Variants in TLR4 observed in about 807,000 individuals in gnomAD.
TLR4 encodes the protein toll-like receptor 4.
In TLR4, 17 loss-of-function variants were observed where a neutral mutation model predicts 27.4. The ratio of observed to expected loss-of-function variants is 0.62; its 90% CI spans 0.42 to 0.93. The LOEUF (loss-of-function observed/expected upper bound fraction) is 0.93. TLR4 is among the 40% of genes least tolerant of loss of function. The pLI, the probability that TLR4 is intolerant of heterozygous loss-of-function variation, is 0.00. For missense variants in TLR4, 926 were observed against 962.3 expected, an observed-to-expected ratio of 0.96 and a Z score of 0.50; for synonymous variants, 363 against 365.7, an observed-to-expected ratio of 0.99 and a Z score of 0.08.
Position 117,718,360 on chromosome 9 carries a change from A to T in TLR4, c.*3712A>T, listed in dbSNP as rs775897328. 2.6e-5 allele frequency: 4 copies of T among 152,168 alleles called. No homozygotes were observed. The highest frequency in any genetic ancestry group is 4.4e-5 in the Non-Finnish European group (3 of 68,034). 9.4% of individuals were successfully genotyped at this position (152,168 alleles called of 1,614,324 possible). On this transcript the variant is annotated 3_prime_UTR_variant, in exon 3 of 3. Coordinates refer to ENST00000355622, the MANE Select transcript of TLR4 (RefSeq NM_138554.5). ...AAGCCATGAATCATTAAGCCAATAC[A>T]TATGCATATATGTTATACATACCAA...
rs1488693369 is a variant in TLR4, at chr9:117,722,964, G to A, written c.*8316G>A. ...ATGTGGGCCAACTTAGGAAAAAAAC[G>A]GGATGAAATGAATTATATAAAAGGT... On this transcript the variant is annotated 3_prime_UTR_variant, in exon 3 of 3. Transcript: ENST00000355622. 1 of 152,014 alleles carries A rather than the reference G, an allele frequency of 6.6e-6. No homozygotes were observed. Among genetic ancestry groups the A allele is most frequent in the East Asian group, 1.9e-4 (1 of 5,186 alleles). The allele number at this position is 152,014 out of a possible 1,614,324, so 9.4% of individuals were successfully genotyped here. A position where few individuals can be genotyped will look rare whatever the true frequency, so the allele number is the denominator to read the frequency against.
Position 117,716,961 on chromosome 9 carries a change from C to G in TLR4, c.*2313C>G, listed in dbSNP as rs1240560898. The G allele has an allele frequency of 6.6e-6, 1 of 152,168 alleles. No individual in the cohort carries two copies. The highest frequency in any genetic ancestry group is 2.4e-5 in the African/African-American group (1 of 41,450). 9.4% of individuals were successfully genotyped at this position (152,168 alleles called of 1,614,324 possible). On this transcript the variant is annotated 3_prime_UTR_variant, in exon 3 of 3. Coordinates refer to ENST00000355622, the MANE Select transcript of TLR4 (RefSeq NM_138554.5). ...TGACCACAGTCAGAAGTGTTTGTTA[C>G]TGAGTGTTTCAGAGTGTGTTTGGTT...
rs118040707 is a variant in TLR4 at position 117,720,871 on chromosome 9, G to T, written c.*6223G>T. The T allele has an allele frequency of 1.3e-5, 2 of 152,168 alleles. No homozygotes were observed. Among genetic ancestry groups the T allele is most frequent in the Admixed American group, 6.5e-5 (1 of 15,276 alleles). 9.4% of individuals were successfully genotyped at this position (152,168 alleles called of 1,614,324 possible). On this transcript the variant is annotated 3_prime_UTR_variant, in exon 3 of 3. Transcript: ENST00000355622. ...AGTGCATGACCCTTCCTCTTCCTGG[G>T]ACTGTCCTTGTCTTTCCCTTTGGAC...
chr9:117,720,781 A>C lies in TLR4; in HGVS notation c.*6133A>C, dbSNP rs571826651. The stretch of plus-strand genomic sequence containing the variant: ...GACTGACCTGAAATAACCCAGCCTG[A>C]CTCTATCCACAGCCACCCCAGGACC... On this transcript the variant is annotated 3_prime_UTR_variant, in exon 3 of 3. Transcript: ENST00000355622. 34 of 152,124 alleles carry C rather than the reference A, an allele frequency of 2.2e-4. No individual in the cohort carries two copies. The highest frequency in any genetic ancestry group is 7.5e-4 in the African/African-American group (31 of 41,456). 9.4% of individuals were successfully genotyped at this position (152,124 alleles called of 1,614,324 possible). A position where few individuals can be genotyped will look rare whatever the true frequency, so the allele number is the denominator to read the frequency against.
At position 117,714,030 on chromosome 9, in the gene TLR4, T is replaced by A; in HGVS notation, c.1902T>A (p.Ile634=). 1 of 1,613,938 alleles carries A rather than the reference T, an allele frequency of 6.2e-7. No homozygotes were observed. The highest frequency in any genetic ancestry group is 8.5e-7 in the Non-Finnish European group (1 of 1,179,984). The change falls in exon 3 of 3, where the codon ATT becomes ATA. Residue 634 remains isoleucine (I), a synonymous_variant. Coordinates refer to ENST00000355622, the MANE Select transcript of TLR4 (RefSeq NM_138554.5). ...CCTGTCAGATGAATAAGACCATCAT[T>A]GGTGTGTCGGTCCTCAGTGTGCTTG... ...NITCQMNKTI[I]GVSVLSVLVV...
At chr9:117,705,167 T>C (rs1291806741) in intron 1 of TLR4, among the ~76,000 whole-genome samples, 1 of 152,178 alleles carries the variant, frequency 6.6e-6, no homozygotes, top group Non-Finnish European at 1.5e-5. Context: ...ATATGTATAA[T>C]GTCAGCTAAT....
rs1282672274 is a variant in TLR4, at chr9:117,714,224, G to T, written c.2096G>T (p.Gly699Val). 2 of 1,605,640 alleles carry T rather than the reference G, an allele frequency of 1.2e-6. No individual in the cohort carries two copies. Among genetic ancestry groups the T allele is most frequent in the Non-Finnish European group, 8.5e-7 (1 of 1,172,986 alleles). Reference sequence around the variant, plus strand: ...GAGCTAGTAAAGAATTTAGAAGAAGGGGTGCCTCCATTTCAGCTCTGCCTT... The same window carrying T: ...GAGCTAGTAAAGAATTTAGAAGAAGTGGTGCCTCCATTTCAGCTCTGCCTT... ...RNELVKNLEE[G>V]VPPFQLCLHY... Residue 699 changes from glycine (G) to valine (V), a missense_variant, in exon 3 of 3, where the codon GGG (glycine) becomes GTG (valine). By Grantham distance (109) the Gly-to-Val change is moderately radical (BLOSUM62 -3). Transcript: ENST00000355622.
chr9:117,708,396 G>A (rs1293442808), intron 1 of TLR4, 167 bp from the exon 2 acceptor site: 2 of 1,483,188 alleles, frequency 1.3e-6, no homozygotes, highest in Admixed American at 2.2e-5. Flanking sequence ...TGAATTGAGT[G>A]AATGGATGGA....
chr9:117,717,958 C>T lies in TLR4; in HGVS notation c.*3310C>T, dbSNP rs545824537. 1 of 152,164 alleles carries T rather than the reference C, an allele frequency of 6.6e-6. No individual in the cohort carries two copies. The highest frequency in any genetic ancestry group is 6.5e-5 in the Admixed American group (1 of 15,278). 9.4% of individuals were successfully genotyped at this position (152,164 alleles called of 1,614,324 possible). A position where few individuals can be genotyped will look rare whatever the true frequency, so the allele number is the denominator to read the frequency against. ...CAGCCTCTTTTTAGCTCTTTAAATC[C>T]TCTGGATTTAAGAGGGATAAAGGGT... On this transcript the variant is annotated 3_prime_UTR_variant, in exon 3 of 3. Coordinates refer to ENST00000355622, the MANE Select transcript of TLR4 (RefSeq NM_138554.5).
rs1829333256 is a variant in TLR4, at chr9:117,715,664, GA to G, written c.*1018del. On this transcript the variant is annotated 3_prime_UTR_variant, in exon 3 of 3. Transcript: ENST00000355622. ...TGACCTCATGAAATGAGTTGCAGCA[GA>G]AGTTTATTTTTTTCAGAACAAGTGA... 6.6e-6 allele frequency: 1 copy of G among 152,164 alleles called. No individual in the cohort carries two copies. Among genetic ancestry groups the G allele is most frequent in the African/African-American group, 2.4e-5 (1 of 41,444 alleles). 9.4% of individuals were successfully genotyped at this position (152,164 alleles called of 1,614,324 possible).
intron 1 of TLR4, among the ~76,000 whole-genome samples, chr9:117,705,260 G>A (rs565482405): frequency 6.6e-5 from 10 of 152,204 alleles, no homozygotes; most frequent in South Asian, 2.1e-4. Flanking sequence ...TTTCCCCTGC[G>A]CAGACTTCAC....
rs745563363 is a variant in TLR4, at chr9:117,712,632, T to C, written c.504T>C (p.Pro168=). 6 of 1,614,046 alleles carry C rather than the reference T, an allele frequency of 3.7e-6. No homozygotes were observed. The South Asian group carries it at 6.6e-5, about 18-fold the overall frequency. The stretch of plus-strand genomic sequence containing the variant: ...ATCTTATCCAATCTTTCAAATTACC[T>C]GAGTATTTTTCTAATCTGACCAATC... ...AHNLIQSFKL[P]EYFSNLTNLE... The change falls in exon 3 of 3, where the codon CCT becomes CCC. Residue 168 remains proline, a synonymous_variant. Transcript: ENST00000355622.
At chr9:117,708,040 G>A (rs947359845) in intron 1 of TLR4, 2 of 230,664 alleles carry the variant, frequency 8.7e-6, no homozygotes, top group African/African-American at 4.7e-5. Flanking sequence ...TCCTTGTGCA[G>A]GGGCCATGCT....
Position 117,714,449 on chromosome 9 carries a change from T to G in TLR4, c.2321T>G (p.Val774Gly). The change falls in exon 3 of 3, where the codon GTG (valine) becomes GGG (glycine). Residue 774 changes from valine (V) to glycine (G), a missense_variant. By Grantham distance (109) the Val-to-Gly change is moderately radical. Transcript: ENST00000355622. ...ATCATCTTCATTGTCCTGCAGAAGGTGGAGAAGACCCTGCTCAGGCAGCAG... is the reference window on the plus strand; with the variant it reads ...ATCATCTTCATTGTCCTGCAGAAGGGGGAGAAGACCCTGCTCAGGCAGCAG... Reference protein sequence around the residue: ...AGIIFIVLQKVEKTLLRQQVE... With the variant: ...AGIIFIVLQKGEKTLLRQQVE... 6.2e-7 allele frequency: 1 copy of G among 1,613,832 alleles called. No individual in the cohort carries two copies. The highest frequency in any genetic ancestry group is 1.3e-5 in the African/African-American group (1 of 75,018).
intron 2 of TLR4, among the ~76,000 whole-genome samples, chr9:117,711,852 T>G (rs533218100): frequency 6.6e-6 from 1 of 152,214 alleles, no homozygotes; most frequent in African/African-American, 2.4e-5. Flanking sequence ...ACAAGAACTT[T>G]CAAATATCTA....
rs942032383 is a variant in TLR4 at position 117,719,573 on chromosome 9, GT to G, written c.*4927del. 6 of 152,074 alleles carry G rather than the reference GT, an allele frequency of 3.9e-5. No homozygotes were observed. Among genetic ancestry groups the G allele is most frequent in the Admixed American group, 2.0e-4 (3 of 15,260 alleles). 9.4% of individuals were successfully genotyped at this position (152,074 alleles called of 1,614,324 possible). ...AAGAGCCAGGAAAAATGTGATCTAA[GT>G]TATGTGATCAAAGATTTTTTAACAG... On this transcript the variant is annotated 3_prime_UTR_variant, in exon 3 of 3. Transcript: ENST00000355622.
intron 2 of TLR4, among the ~76,000 whole-genome samples, chr9:117,710,126 G>C (rs544456945): frequency 6.6e-6 from 1 of 151,954 alleles, no homozygotes; most frequent in Non-Finnish European, 1.5e-5. Context: ...GTTATATTGC[G>C]TAATGCTGAG....
At position 117,712,763 on chromosome 9, in the gene TLR4, T is replaced by C. The variant is rs1829257510; in HGVS notation, c.635T>C (p.Leu212Pro). The C allele has an allele frequency of 1.9e-6, 3 of 1,613,966 alleles. No individual in the cohort carries two copies. The highest frequency in any genetic ancestry group is 1.1e-5 in the South Asian group (1 of 91,088). ...CTCAATCTCTCTTTAGACCTGTCCC[T>C]GAACCCTATGAACTTTATCCAACCA... ...PLLNLSLDLS[L>P]NPMNFIQPGA... is the part of the protein sequence containing the mutation. The change falls in exon 3 of 3, where the codon CTG (leucine) becomes CCG (proline). Residue 212 changes from leucine (L) to proline (P), a missense_variant. Leu to Pro is a moderately conservative substitution (Grantham distance 98, BLOSUM62 -3). Transcript: ENST00000355622.
chr9:117,709,080 A>G (rs11536877), intron 2 of TLR4: 5,042 of 259,790 alleles, frequency 0.019, 270 homozygotes, highest in African/African-American at 0.11. Flanking sequence ...GCATATATTG[A>G]TATATAACAC....
Sources: gnomAD v4.1 joint callset for allele counts (sites outside exome capture counted in the v4.1 genomes callset) on GRCh38, gnomAD v4.1.1 for gene constraint, MANE v1.5 for transcripts, NCBI Gene and HGNC (gene_info 2026-07-23, HGNC 2026-07-21) for gene names.